The following PLEKHG7 variants were observed in gnomAD, a reference collection of about 807,000 sequenced individuals.
PLEKHG7 encodes pleckstrin homology domain-containing family G member 7.
A neutral mutation model predicts 85.2 loss-of-function variants in PLEKHG7; 77 were observed. The observed-to-expected ratio is 0.90, with a 90% CI of 0.75 to 1.09. The LOEUF (loss-of-function observed/expected upper bound fraction) is 1.09. PLEKHG7 is among the 50% of genes least tolerant of loss of function. PLEKHG7 has a pLI of 0.00. For missense variants in PLEKHG7, 777 were observed against 804.3 expected (o/e 0.97, Z 0.41); for synonymous variants, 301 against 302.4 (o/e 1.00, Z 0.05).
chr12:92,751,291 G>A (rs1872684364), intron 10 of PLEKHG7, among the ~76,000 whole-genome samples: 2 of 152,164 alleles, frequency 1.3e-5, no homozygotes, highest in South Asian at 4.1e-4. Flanking sequence ...GTGGTCCTTG[G>A]AGCCTGGCTT....
chr12:92,739,658 A>G (rs1360972961), intron 7 of PLEKHG7, among the ~76,000 whole-genome samples: 2 of 152,238 alleles, frequency 1.3e-5, no homozygotes, highest in African/African-American at 4.8e-5. Context: ...GTTTTCCAAA[A>G]GTGCTTATGA....
At chr12:92,711,688 T>C (rs1007998124) in intron 3 of PLEKHG7, among the ~76,000 whole-genome samples, 1 of 152,186 alleles carries the variant, frequency 6.6e-6, no homozygotes, top group African/African-American at 2.4e-5. Flanking sequence ...AGGTCTCTGC[T>C]GTGATTCACC....
chr12:92,740,994 C>A (rs755225107), intron 8 of PLEKHG7, 46 bp downstream of exon 8: 1 of 1,304,048 alleles, frequency 7.7e-7, no homozygotes, highest in Non-Finnish European at 1.1e-6. Flanking sequence ...ACTAGAGGAC[C>A]ATGAAAATTC....
chr12:92,730,186 A>G (rs1565789913), intron 4 of PLEKHG7, among the ~76,000 whole-genome samples: 1 of 152,196 alleles, frequency 6.6e-6, no homozygotes, highest in Non-Finnish European at 1.5e-5. Flanking sequence ...AGCCTTTCAC[A>G]TCTACTTACT....
chr12:92,708,283 A>G (rs1338878716), intron 3 of PLEKHG7: 1 of 152,364 alleles, frequency 6.6e-6, no homozygotes, highest in Non-Finnish European at 1.5e-5. Flanking sequence ...TTGGCAGGAA[A>G]GCCCTCATTT....
At chr12:92,730,637 G>C (rs114544299) in intron 4 of PLEKHG7, among the ~76,000 whole-genome samples, 5,486 of 152,288 alleles carry the variant, frequency 0.036, 339 homozygotes, top group African/African-American at 0.12. Flanking sequence ...TCAGGGTGGT[G>C]TCGAACTCCT....
intron 8 of PLEKHG7, among the ~76,000 whole-genome samples, chr12:92,741,242 G>T (rs150691472): frequency 6.6e-6 from 1 of 151,684 alleles, no homozygotes; most frequent in Non-Finnish European, 1.5e-5. Context: ...TCCTCTTCTC[G>T]CATACATTAT....
chr12:92,707,814 A>G, intron 3 of PLEKHG7, 142 bp downstream of exon 3: 1 of 1,410,198 alleles, frequency 7.1e-7, no homozygotes, highest in South Asian at 1.2e-5. Flanking sequence ...CACTCTTCGC[A>G]TTTATAGGTG....
chr12:92,740,861 G>C lies in PLEKHG7; in HGVS notation c.948G>C (p.Met316Ile). The C allele has an allele frequency of 6.3e-7, 1 of 1,596,782 alleles. No individual in the cohort carries two copies. The highest frequency in any genetic ancestry group is 1.1e-5 in the South Asian group (1 of 89,046). Residue 316 changes from methionine (M) to isoleucine (I), a missense_variant, in exon 8 of 17, where the codon ATG (methionine) becomes ATC (isoleucine). Physicochemically the swap from Met to Ile is conservative, Grantham distance 10. Coordinates refer to ENST00000344636, the MANE Select transcript of PLEKHG7 (RefSeq NM_001377329.1). The part of the protein sequence containing the change: ...DHLLVLKMIF[M>I]NTLRYLQTHE... ...TATTTTTTATTTCAAAGATCTTTAT[G>C]AATACACTAAGATATCTGCAAACTC...
At chr12:92,725,421 A>G (rs937649026) in intron 3 of PLEKHG7, among the ~76,000 whole-genome samples, 2 of 152,162 alleles carry the variant, frequency 1.3e-5, no homozygotes, top group African/African-American at 4.8e-5. Flanking sequence ...TAGATAACTC[A>G]CCTTTAGTGA....
chr12:92,765,769 G>A lies in PLEKHG7; in HGVS notation c.1870+1575G>A, dbSNP rs1287403083. ...TGATTGCCACTGCACTCCAGCCTGG[G>A]TGACAGAGTGAGACCCTGTCTCTAA... is the stretch of plus-strand genomic sequence containing the variant. On this transcript the variant is annotated intron_variant, in intron 15 of 16. Coordinates refer to ENST00000344636, the MANE Select transcript of PLEKHG7 (RefSeq NM_001377329.1). 3.3e-5 allele frequency among the ~76,000 whole-genome samples: 5 copies of A among 152,146 alleles called. No homozygotes were observed. In the East Asian group the frequency reaches 9.6e-4, roughly 29 times the overall value.
intron 1 of PLEKHG7, among the ~76,000 whole-genome samples, chr12:92,705,735 T>C (rs1461399000): frequency 6.6e-6 from 1 of 152,180 alleles, no homozygotes; most frequent in African/African-American, 2.4e-5. Context: ...TTCCCACACA[T>C]ACCTTCTTCA....
chr12:92,735,825 G>A (rs568709924), intron 5 of PLEKHG7, among the ~76,000 whole-genome samples: 2 of 152,190 alleles, frequency 1.3e-5, no homozygotes, highest in South Asian at 4.2e-4. Flanking sequence ...GTATATAGGG[G>A]TGAAGACACA....
chr12:92,742,284 T>C (rs1449115732), intron 9 of PLEKHG7, among the ~76,000 whole-genome samples: 9 of 152,116 alleles, frequency 5.9e-5, no homozygotes. Flanking sequence ...TTTTAAGAAA[T>C]TGTAAGTCTT....
intron 1 of PLEKHG7, among the ~76,000 whole-genome samples, chr12:92,706,136 T>A (rs919689745): frequency 2.0e-5 from 3 of 152,218 alleles, no homozygotes; most frequent in East Asian, 1.9e-4. Flanking sequence ...GAGGATTTAA[T>A]GTATATTTGA....
intron 3 of PLEKHG7, among the ~76,000 whole-genome samples, chr12:92,709,312 G>A (rs532862973): frequency 1.3e-5 from 2 of 152,328 alleles, no homozygotes; most frequent in East Asian, 1.9e-4. Context: ...TGAGGGAAAG[G>A]AATCTTCAAG....
intron 3 of PLEKHG7, among the ~76,000 whole-genome samples, chr12:92,709,301 G>A (rs1310711650): frequency 6.6e-6 from 1 of 152,220 alleles, no homozygotes; most frequent in Admixed American, 6.5e-5. Context: ...GCCTATCAGG[G>A]TGAGGGAAAG....
At chr12:92,707,350 C>G in intron 2 of PLEKHG7, 1 of 1,428,900 alleles carries the variant, frequency 7.0e-7, no homozygotes, top group Non-Finnish European at 9.1e-7. Context: ...ATCTCGCTCA[C>G]TTTCTTCTGT....
chr12:92,749,193 T>C (rs1220116519), intron 10 of PLEKHG7, among the ~76,000 whole-genome samples: 3 of 152,242 alleles, frequency 2.0e-5, no homozygotes, highest in Non-Finnish European at 4.4e-5. Context: ...CCACACCACA[T>C]GAGGCTAAGC....
Sources: allele counts gnomAD v4.1 joint callset (sites outside exome capture counted in the v4.1 genomes callset), GRCh38; gene constraint gnomAD v4.1.1; transcripts MANE v1.5; gene names NCBI Gene and HGNC (gene_info 2026-07-23, HGNC 2026-07-21).